Variants in GRM7 observed in about 807,000 individuals in gnomAD.
The protein encoded by GRM7 is metabotropic glutamate receptor 7.
GRM7 carries 35 observed loss-of-function variants against 84.5 expected under a neutral mutation model. The observed-to-expected ratio is 0.41, with a 90% CI of 0.32 to 0.55. The LOEUF (loss-of-function observed/expected upper bound fraction) is 0.55. GRM7 is among the 20% of genes least tolerant of loss of function. GRM7 has a pLI of 0.19. For missense variants in GRM7, 1,003 were observed against 1,194.6 expected, an observed-to-expected ratio of 0.84 and a Z score of 2.36; for synonymous variants, 487 against 455.1, an observed-to-expected ratio of 1.07 and a Z score of -0.89.
intron 2 of GRM7, among the ~76,000 whole-genome samples, chr3:7,292,929 G>A (rs1373369840): frequency 1.3e-5 from 2 of 151,330 alleles, no homozygotes; most frequent in East Asian, 3.9e-4. Context: ...AGTTGCTCGG[G>A]GGGCCAAGGC....
intron 1 of GRM7, among the ~76,000 whole-genome samples, chr3:7,070,177 C>A (rs1021852927): frequency 2.0e-5 from 3 of 151,880 alleles, no homozygotes; most frequent in African/African-American, 7.3e-5. Flanking sequence ...AAGTGTATTT[C>A]ATTTAGAATA....
intron 7 of GRM7, among the ~76,000 whole-genome samples, chr3:7,531,620 A>G (rs186369004): frequency 6.6e-6 from 1 of 152,194 alleles, no homozygotes; most frequent in East Asian, 1.9e-4. Context: ...TTTTAGGTGT[A>G]TAGGAATGCT....
chr3:7,612,356 A>G (rs1205185824), intron 8 of GRM7, among the ~76,000 whole-genome samples: 1 of 152,180 alleles, frequency 6.6e-6, no homozygotes, highest in East Asian at 1.9e-4. Context: ...AAACCACTGG[A>G]CAACATGTAT....
Position 7,486,119 on chromosome 3 carries a change from C to T in GRM7, c.1515+24397C>T, listed in dbSNP as rs56958346. 0.031 allele frequency among the ~76,000 whole-genome samples: 4,715 copies of T among 152,214 alleles called. 228 individuals carry two copies. The highest frequency in any genetic ancestry group is 0.11 in the African/African-American group (4,364 of 41,506). ...TGAGATAAAATATGGATTTTAAATA[C>T]TGCTTCTTGAACTGACTCTGATCTT... On this transcript the variant is annotated intron_variant, in intron 7 of 9. Coordinates refer to ENST00000357716, the MANE Select transcript of GRM7 (RefSeq NM_000844.4). The surrounding 1 kb of genome is among the most constrained non-coding windows in gnomAD (Gnocchi z 5.5).
In GRM7 at chr3:7,275,290, T is replaced by C. The variant is rs77801649; in HGVS notation, c.737-23394T>C. Among the ~76,000 whole-genome samples the C allele has an allele frequency of 6.8e-3, 1,036 of 152,304 alleles. 12 individuals carry two copies. Among genetic ancestry groups the C allele is most frequent in the African/African-American group, 0.022 (905 of 41,584 alleles). ...ATGAAATACCTGAGTCTGGTTCTGA[T>C]AGTCACTCTGTGTCTTCAGACTGTG... On this transcript the variant is annotated intron_variant, in intron 2 of 9. Transcript: ENST00000357716.
chr3:7,518,624 C>T (rs1700479342), intron 7 of GRM7, among the ~76,000 whole-genome samples: 1 of 152,100 alleles, frequency 6.6e-6, no homozygotes, highest in South Asian at 2.1e-4. Flanking sequence ...AATATAATAC[C>T]AGAGCTGCCA....
intron 2 of GRM7, among the ~76,000 whole-genome samples, chr3:7,158,011 T>G (rs889088761): frequency 5.9e-5 from 9 of 152,166 alleles, no homozygotes; most frequent in African/African-American, 2.2e-4. Flanking sequence ...TTTCAAAAAC[T>G]GTGTGGGAGA....
At chr3:7,205,784 G>A (rs1318721294) in intron 2 of GRM7, among the ~76,000 whole-genome samples, 8 of 152,124 alleles carry the variant, frequency 5.3e-5, no homozygotes, top group Admixed American at 6.5e-5. Flanking sequence ...GGCCATAAAG[G>A]GGATTTCAAA....
intron 1 of GRM7, among the ~76,000 whole-genome samples, chr3:6,940,812 T>A (rs563196557): frequency 1.7e-4 from 26 of 152,328 alleles, no homozygotes; most frequent in African/African-American, 5.5e-4. Context: ...AAGATAGAGA[T>A]ATGGAATAAC....
chr3:7,026,027 A>G (rs1695968852), intron 1 of GRM7, among the ~76,000 whole-genome samples: 1 of 152,138 alleles, frequency 6.6e-6, no homozygotes, highest in Non-Finnish European at 1.5e-5. Flanking sequence ...CCTGACAATG[A>G]CTCAATTGCA....
At chr3:7,346,514 A>T (rs1034965030) in intron 4 of GRM7, among the ~76,000 whole-genome samples, 2 of 152,132 alleles carry the variant, frequency 1.3e-5, no homozygotes, top group South Asian at 4.2e-4. Flanking sequence ...TTGTGAGAAG[A>T]ATCATATTCC....
At chr3:6,946,266 C>G (rs1698076732) in intron 1 of GRM7, among the ~76,000 whole-genome samples, 1 of 152,174 alleles carries the variant, frequency 6.6e-6, no homozygotes, top group Non-Finnish European at 1.5e-5. Flanking sequence ...CCAGTTTCAG[C>G]TTTCTACATA....
intron 9 of GRM7, chr3:7,681,992 A>C (rs1471799733): frequency 2.0e-5 from 3 of 152,242 alleles, no homozygotes; most frequent in African/African-American, 7.2e-5. Flanking sequence ...AAAAAGATGC[A>C]GTTAAGTGTA....
At chr3:7,615,118 T>C (rs535854359) in intron 8 of GRM7, among the ~76,000 whole-genome samples, 1 of 152,290 alleles carries the variant, frequency 6.6e-6, no homozygotes, top group Non-Finnish European at 1.5e-5. Flanking sequence ...TTACCTATTT[T>C]CAATGTTTCA....
At chr3:7,481,214 G>C (rs1699115643) in intron 7 of GRM7, among the ~76,000 whole-genome samples, 1 of 152,058 alleles carries the variant, frequency 6.6e-6, no homozygotes, top group Non-Finnish European at 1.5e-5. Context: ...AAGTAGCTGG[G>C]ACTACAGGCA....
chr3:7,258,301 A>G (rs1698284022), intron 2 of GRM7, among the ~76,000 whole-genome samples: 1 of 152,176 alleles, frequency 6.6e-6, no homozygotes, highest in East Asian at 1.9e-4. Context: ...AGACAGAAGC[A>G]TTCTTAAACC....
chr3:7,581,702 T>C (rs1428254373), intron 8 of GRM7, among the ~76,000 whole-genome samples: 3 of 152,116 alleles, frequency 2.0e-5, no homozygotes, highest in Non-Finnish European at 4.4e-5. Context: ...CAAAGAATTA[T>C]ATTATAACAG....
chr3:7,077,632 C>T (rs878894762), intron 1 of GRM7, among the ~76,000 whole-genome samples: 6 of 150,568 alleles, frequency 4.0e-5, no homozygotes, highest in Admixed American at 2.6e-4. Context: ...GATGATGGGT[C>T]GATGGGTGCA....
chr3:6,925,700 C>A (rs1697274049), intron 1 of GRM7, among the ~76,000 whole-genome samples: 1 of 152,126 alleles, frequency 6.6e-6, no homozygotes, highest in African/African-American at 2.4e-5. Flanking sequence ...TTTAACTCAT[C>A]CTGTATATAA....
Sources: gnomAD v4.1 joint callset for allele counts (sites outside exome capture counted in the v4.1 genomes callset) on GRCh38, gnomAD v4.1.1 for gene constraint, Gnocchi (gnomAD v3.1) non-coding constraint, MANE v1.5 for transcripts, NCBI Gene and HGNC (gene_info 2026-07-23, HGNC 2026-07-21) for gene names.